Variants in RBM6 observed in about 807,000 individuals in gnomAD.
RBM6 encodes the protein RNA binding motif protein 6, also known as RNA-binding protein 6.
RBM6 carries 23 observed loss-of-function variants against 140.4 expected under a neutral mutation model. The observed-to-expected ratio is 0.16, with a 90% CI of 0.12 to 0.23. The LOEUF (loss-of-function observed/expected upper bound fraction) is 0.23, where lower values mean the gene tolerates loss of function less well. Among genes scored for constraint, RBM6 ranks in the 10% least tolerant of loss-of-function variants. The probability of loss-of-function intolerance (pLI) is 1.00; values close to 1 mark genes in which losing one functional copy is unlikely to be tolerated. For synonymous variants in RBM6, 439 were observed against 475.6 expected (o/e 0.92, Z 1.00); for missense variants, 1,139 against 1,386.7 (o/e 0.82, Z 2.84).
chr3:49,968,577 G>A lies in RBM6; in HGVS notation c.1152G>A (p.Leu384=), dbSNP rs2108634666. 1 of 1,614,164 alleles carries A rather than the reference G, an allele frequency of 6.2e-7. No homozygotes were observed. The highest frequency in any genetic ancestry group is 8.5e-7 in the Non-Finnish European group (1 of 1,180,034). Reference sequence around the variant, plus strand: ...AAGAGCAGAGTTCAGATGCTGGTCTGTTTAAAGAAGAAGGCGGTCTGGACT... The same window carrying A: ...AAGAGCAGAGTTCAGATGCTGGTCTATTTAAAGAAGAAGGCGGTCTGGACT... ...GREEQSSDAG[L]FKEEGGLDFL... The change falls in exon 3 of 21, where the codon CTG becomes CTA. Residue 384 remains leucine, a synonymous_variant. Transcript: ENST00000266022.
chr3:49,997,402 A>G (rs1205330384), intron 5 of RBM6, among the ~76,000 whole-genome samples: 3 of 152,238 alleles, frequency 2.0e-5, no homozygotes, highest in African/African-American at 7.2e-5. Flanking sequence ...TTAGCAAAGT[A>G]TGAACGTTGT....
chr3:50,061,268 G>C (rs1416840662), intron 13 of RBM6, 47 bp downstream of exon 13: 1 of 1,612,246 alleles, frequency 6.2e-7, no homozygotes, highest in Non-Finnish European at 8.5e-7. Context: ...TGCTTGACTT[G>C]CTACTCATTA....
At chr3:49,976,908 C>G (rs181161567) in intron 5 of RBM6, among the ~76,000 whole-genome samples, 15 of 152,284 alleles carry the variant, frequency 9.9e-5, no homozygotes, top group African/African-American at 3.6e-4. Context: ...CGAAAAATAC[C>G]TTTCAGCAAA....
chr3:50,048,695 A>G (rs1439654045), intron 7 of RBM6, among the ~76,000 whole-genome samples: 1 of 152,170 alleles, frequency 6.6e-6, no homozygotes, highest in Admixed American at 6.6e-5. Flanking sequence ...GGAGTCGTAC[A>G]TTTTTTGGAT....
At chr3:49,997,382 T>G (rs997815940) in intron 5 of RBM6, among the ~76,000 whole-genome samples, 1 of 152,234 alleles carries the variant, frequency 6.6e-6, no homozygotes, top group East Asian at 1.9e-4. Context: ...TCCCAATGTC[T>G]ACTTGTCCTT....
intron 6 of RBM6, among the ~76,000 whole-genome samples, chr3:50,021,208 ATTTTGATGCGTATCCTTCCAGATTT>A (rs1230855714): frequency 2.4e-4 from 37 of 152,152 alleles, no homozygotes; most frequent in Non-Finnish European, 4.4e-4. Context: ...TGCTGCTGTT[ATTTTGATGCGTATCCTTCCAGATTT>A]TTCTATGCAT....
At chr3:49,944,883 AT>A (rs199673488) in intron 1 of RBM6, among the ~76,000 whole-genome samples, 7 of 143,016 alleles carry the variant, frequency 4.9e-5, no homozygotes, top group Admixed American at 7.1e-5. Flanking sequence ...TTTTTTTTAA[AT>A]TTTTTTTTTT....
intron 9 of RBM6, among the ~76,000 whole-genome samples, 158 bp from the exon 10 acceptor site, chr3:50,058,244 G>A (rs2089793633): frequency 6.6e-6 from 1 of 152,206 alleles, no homozygotes; most frequent in Non-Finnish European, 1.5e-5. Flanking sequence ...AAGTATTGGT[G>A]AAGAAAAGTA....
chr3:50,024,562 G>A (rs2087692444), intron 6 of RBM6, among the ~76,000 whole-genome samples: 1 of 151,738 alleles, frequency 6.6e-6, no homozygotes, highest in African/African-American at 2.4e-5. Context: ...TATTGTTTTT[G>A]AAATTCATCT....
intron 3 of RBM6, among the ~76,000 whole-genome samples, chr3:49,968,970 C>CT (rs34699382): frequency 0.48 from 68,008 of 141,778 alleles, 16,666 homozygotes; most frequent in African/African-American, 0.53. Context: ...GCCCGGCCTG[C>CT]TTTTTTTTTT....
intron 5 of RBM6, among the ~76,000 whole-genome samples, chr3:49,986,985 T>C (rs1420102297): frequency 2.6e-5 from 4 of 152,122 alleles, no homozygotes; most frequent in South Asian, 4.2e-4. Context: ...GGTTTTGCCA[T>C]GTTGCCCAGG....
intron 6 of RBM6, among the ~76,000 whole-genome samples, chr3:50,017,985 C>A (rs1288943806): frequency 1.3e-5 from 2 of 152,216 alleles, no homozygotes; most frequent in Admixed American, 1.3e-4. Context: ...TACACAGCCT[C>A]CCCAACTATC....
chr3:50,019,225 A>G (rs1206121349), intron 6 of RBM6, among the ~76,000 whole-genome samples: 1 of 151,886 alleles, frequency 6.6e-6, no homozygotes, highest in South Asian at 2.1e-4. Context: ...TAGTTTCACC[A>G]TGTTGGCTAA....
chr3:50,076,554 C>T (rs767726818), intron 20 of RBM6, among the ~76,000 whole-genome samples: 11 of 151,548 alleles, frequency 7.3e-5, no homozygotes, highest in Non-Finnish European at 1.2e-4. Flanking sequence ...TGCCACTGCA[C>T]TCCAGCCTGG....
At chr3:49,965,370 G>A (rs1422048598) in intron 2 of RBM6, among the ~76,000 whole-genome samples, 1 of 152,146 alleles carries the variant, frequency 6.6e-6, no homozygotes, top group East Asian at 1.9e-4. Context: ...AAATTGTATT[G>A]CCTAAGAAGA....
At chr3:50,011,839 C>CTTTTTTTTTTTTTTT (rs201167549) in intron 6 of RBM6, among the ~76,000 whole-genome samples, 1 of 143,688 alleles carries the variant, frequency 7.0e-6, no homozygotes, top group African/African-American at 2.6e-5. Context: ...TCTTTTCTTT[C>CTTTTTTTTTTTTTTT]TTTTTTTTTT....
chr3:49,970,870 C>A (rs1221634343), intron 3 of RBM6, among the ~76,000 whole-genome samples: 2 of 152,086 alleles, frequency 1.3e-5, no homozygotes, highest in Non-Finnish European at 2.9e-5. Context: ...TGGCTCATGC[C>A]TGTAATCCCA....
At chr3:50,042,259 C>A (rs2088962860) in intron 6 of RBM6, among the ~76,000 whole-genome samples, 1 of 152,176 alleles carries the variant, frequency 6.6e-6, no homozygotes, top group Admixed American at 6.5e-5. Flanking sequence ...TATACTTTTT[C>A]CCTGCCTTTT....
At chr3:50,066,142 C>A in intron 16 of RBM6, 100 bp from the exon 17 acceptor site, 2 of 1,301,180 alleles carry the variant, frequency 1.5e-6, no homozygotes, top group South Asian at 1.6e-5. Flanking sequence ...TATTTTGAAC[C>A]CAATTCAATG....
Sources: allele counts gnomAD v4.1 joint callset (sites outside exome capture counted in the v4.1 genomes callset), GRCh38; gene constraint gnomAD v4.1.1; transcripts MANE v1.5; gene names NCBI Gene and HGNC (gene_info 2026-07-23, HGNC 2026-07-21).